LBR: variants seen among roughly 807,000 people sequenced by gnomAD.
LBR encodes lamin B receptor, also known as delta(14)-sterol reductase LBR.
Under a neutral mutation model 74.3 loss-of-function variants are expected in LBR, and 28 were observed. The ratio of observed to expected loss-of-function variants is 0.38; its 90% CI spans 0.28 to 0.52. The LOEUF (loss-of-function observed/expected upper bound fraction) is 0.52. Ranked by LOEUF, LBR falls within the 20% of genes least tolerant of loss-of-function variation. The probability of loss-of-function intolerance (pLI) is 0.89; values close to 1 mark genes in which losing one functional copy is unlikely to be tolerated. For missense variants in LBR, 717 were observed against 760.3 expected, an observed-to-expected ratio of 0.94 and a Z score of 0.67; for synonymous variants, 228 against 269.3, an observed-to-expected ratio of 0.85 and a Z score of 1.50.
At chr1:225,416,126 T>C (rs1288263733) in intron 6 of LBR, among the ~76,000 whole-genome samples, 1 of 151,490 alleles carries the variant, frequency 6.6e-6, no homozygotes, top group Non-Finnish European at 1.5e-5. Flanking sequence ...GGAAGATGAC[T>C]TCAGCCCAGG....
chr1:225,427,893 G>C (rs1464631581), intron 1 of LBR, 61 bp downstream of exon 1: 2 of 152,036 alleles, frequency 1.3e-5, no homozygotes, highest in African/African-American at 4.8e-5. Context: ...TCCTCCCCCA[G>C]CGGCCCCTCG....
At chr1:225,405,463 T>C (rs2096089592) in intron 11 of LBR, among the ~76,000 whole-genome samples, 1 of 152,192 alleles carries the variant, frequency 6.6e-6, no homozygotes, top group East Asian at 1.9e-4. Context: ...TCTGCCCTCA[T>C]GGACAGATTA....
At chr1:225,420,270 T>C (rs920850472) in intron 3 of LBR, among the ~76,000 whole-genome samples, 2 of 151,122 alleles carry the variant, frequency 1.3e-5, no homozygotes, top group Admixed American at 6.6e-5. Flanking sequence ...GACCGCGCCA[T>C]TGCACTCCAG....
At chr1:225,423,510 C>T (rs1328969565) in intron 2 of LBR, among the ~76,000 whole-genome samples, 1 of 152,096 alleles carries the variant, frequency 6.6e-6, no homozygotes, top group African/African-American at 2.4e-5. Context: ...ATACTGCCCT[C>T]TCTGCAGAAA....
chr1:225,413,240 C>T (rs187062420), intron 7 of LBR, among the ~76,000 whole-genome samples: 180 of 152,308 alleles, frequency 1.2e-3, no homozygotes, highest in African/African-American at 3.7e-3. Flanking sequence ...CAGGGGACTG[C>T]GAGTACCTGG....
chr1:225,415,148 T>C lies in LBR; in HGVS notation c.892+130A>G, dbSNP rs1351833548. The C allele has an allele frequency of 4.6e-6, 3 of 657,780 alleles. No individual in the cohort carries two copies. The South Asian group carries it at 5.5e-5, about 12-fold the overall frequency. 40.7% of individuals were successfully genotyped at this position (657,780 alleles called of 1,614,324 possible). On this transcript the variant is annotated intron_variant, in intron 7 of 13. Coordinates refer to ENST00000272163, the MANE Select transcript of LBR (RefSeq NM_002296.4). ...ACAAGTTGGCTACAGGTATAAACAGTTGCTCTTCCAACTACTAAGAAATAA... is the reference window on the plus strand; with the variant it reads ...ACAAGTTGGCTACAGGTATAAACAGCTGCTCTTCCAACTACTAAGAAATAA...
At chr1:225,427,780 CGAG>C (rs1296851984) in intron 1 of LBR, 171 bp downstream of exon 1, 1 of 152,602 alleles carries the variant, frequency 6.6e-6, no homozygotes, top group Non-Finnish European at 1.5e-5. Flanking sequence ...CCAGAAAAGG[CGAG>C]GAGGGGAGGA....
Position 225,415,330 on chromosome 1 carries a change from A to T in LBR, c.840T>A (p.Val280=). The T allele has an allele frequency of 6.3e-7, 1 of 1,584,126 alleles. No homozygotes were observed. The highest frequency in any genetic ancestry group is 1.1e-5 in the South Asian group (1 of 89,420). Residue 280 remains valine, a splice_region_variant and synonymous_variant, in exon 7 of 14, where the codon GTT becomes GTA. Transcript: ENST00000272163. The stretch of plus-strand genomic sequence containing the variant: ...CATCAATAAGAGGCGTTCCTTCTAC[A>T]ACCTTAAAAGAAAAAAAATTTACAA... ...VLFYLLPIGK[V]VEGTPLIDGR...
Position 225,422,245 on chromosome 1 carries a change from G to T in LBR, c.198C>A (p.Gly66=). ...GTCTGGAAGGGGAACTGGAAGTTGAGCCACCTTTCCTTTGCCTAAAGGAAG... is the reference window on the plus strand; with the variant it reads ...GTCTGGAAGGGGAACTGGAAGTTGATCCACCTTTCCTTTGCCTAAAGGAAG... ...PLTSFRQRKG[G]STSSSPSRRR... Residue 66 remains glycine, a synonymous_variant, in exon 3 of 14, where the codon GGC becomes GGA. Transcript: ENST00000272163. The T allele has an allele frequency of 6.2e-7, 1 of 1,613,772 alleles. No homozygotes were observed. The highest frequency in any genetic ancestry group is 1.1e-5 in the South Asian group (1 of 91,062).
At chr1:225,424,401 A>C (rs1205752026) in intron 1 of LBR, among the ~76,000 whole-genome samples, 1 of 152,248 alleles carries the variant, frequency 6.6e-6, no homozygotes, top group Non-Finnish European at 1.5e-5. Flanking sequence ...TCTCACAAAG[A>C]ACACATTTTC....
At chr1:225,403,998 C>A (rs191068651) in intron 13 of LBR, among the ~76,000 whole-genome samples, 2 of 151,710 alleles carry the variant, frequency 1.3e-5, no homozygotes, top group African/African-American at 4.8e-5. Context: ...TCCCACAGCT[C>A]TCCCTGCTCC....
At chr1:225,404,274 A>G in intron 13 of LBR, 130 bp downstream of exon 13, 1 of 1,257,424 alleles carries the variant, frequency 8.0e-7, no homozygotes, top group Non-Finnish European at 1.2e-6. Flanking sequence ...ACAGAGGCCA[A>G]CCTCACAGTA....
chr1:225,401,888 A>G lies in LBR; in HGVS notation c.*1415T>C, dbSNP rs1350903788. On this transcript the variant is annotated 3_prime_UTR_variant, in exon 14 of 14. Transcript: ENST00000272163. ...ATAAGCTAAGTTACATACACTTCAA[A>G]TGCAGTATAGAATTAACACTGCATA... The G allele has an allele frequency of 6.6e-6, 1 of 152,258 alleles. No individual in the cohort carries two copies. Among genetic ancestry groups the G allele is most frequent in the African/African-American group, 2.4e-5 (1 of 41,478 alleles). 9.4% of individuals were successfully genotyped at this position (152,258 alleles called of 1,614,324 possible).
rs1056608 is a variant in LBR, at chr1:225,422,182, A to C, written c.261T>G (p.Pro87=). The C allele has an allele frequency of 6.2e-7, 1 of 1,613,446 alleles. No individual in the cohort carries two copies. The highest frequency in any genetic ancestry group is 8.5e-7 in the Non-Finnish European group (1 of 1,179,852). Reference sequence around the variant, plus strand: ...GGCGGGCACTTTTAGGTGGTCGACCAGGGGATCGGGAGCGTGACCTTGATC... The same window carrying C: ...GGCGGGCACTTTTAGGTGGTCGACCCGGGGATCGGGAGCGTGACCTTGATC... ...GSRSRSRSRS[P]GRPPKSARRS... is the part of the protein sequence containing the mutation. Residue 87 remains proline, a synonymous_variant, in exon 3 of 14, where the codon CCT becomes CCG. Transcript: ENST00000272163.
Position 225,419,701 on chromosome 1 carries a change from G to A in LBR, c.450+14C>T, listed in dbSNP as rs2096124112. 2 of 1,587,618 alleles carry A rather than the reference G, an allele frequency of 1.3e-6. No homozygotes were observed. Among genetic ancestry groups the A allele is most frequent in the African/African-American group, 1.4e-5 (1 of 74,060 alleles). On this transcript the variant is annotated intron_variant, in intron 4 of 13. Coordinates refer to ENST00000272163, the MANE Select transcript of LBR (RefSeq NM_002296.4). ...AAAAAAAAACAACCAAGATGAAAGG[G>A]AACACTTTCCCACCTGTGTATTTTT...
At chr1:225,415,454 T>C (rs2096115334) in intron 6 of LBR, 122 bp from the exon 7 acceptor site, 19 of 621,984 alleles carry the variant, frequency 3.1e-5, no homozygotes, top group South Asian at 2.1e-4. Flanking sequence ...AAGGAAGATA[T>C]CTTGTAACAT....
intron 1 of LBR, 100 bp from the exon 2 acceptor site, chr1:225,424,189 G>C: frequency 3.2e-6 from 3 of 932,038 alleles, no homozygotes; most frequent in Middle Eastern, 2.2e-4. Context: ...TTCCAGAATT[G>C]ACTGGTCAGG....
chr1:225,423,903 G>A lies in LBR; in HGVS notation c.165+8C>T. On this transcript the variant is annotated splice_region_variant and intron_variant, in intron 2 of 13. Coordinates refer to ENST00000272163, the MANE Select transcript of LBR (RefSeq NM_002296.4). ...AAACACACTCTGATAAACCAAAGGA[G>A]CTCTTACCTTAATATCATTCTCTTT... 1.2e-6 allele frequency: 2 copies of A among 1,611,060 alleles called. No homozygotes were observed. Among genetic ancestry groups the A allele is most frequent in the South Asian group, 1.1e-5 (1 of 91,032 alleles).
In LBR at chr1:225,419,224, A is replaced by AC. The variant is rs1010781003; in HGVS notation, c.640+38dup. ...ACCTTGTGGCAACCACCCCTAGCTC[A>AC]CCCCACCTGCCCTCTCTGGGCCCAG... On this transcript the variant is annotated intron_variant, in intron 5 of 13. Transcript: ENST00000272163. The AC allele has an allele frequency of 2.5e-6, 4 of 1,601,934 alleles. No homozygotes were observed. In the African/African-American group the frequency reaches 4.0e-5, roughly 16 times the overall value.
Sources: allele counts gnomAD v4.1 joint callset (sites outside exome capture counted in the v4.1 genomes callset), GRCh38; gene constraint gnomAD v4.1.1; transcripts MANE v1.5; gene names NCBI Gene and HGNC (gene_info 2026-07-23, HGNC 2026-07-21).